Variants in TENM3 observed in about 807,000 individuals in gnomAD.
TENM3 encodes the protein teneurin transmembrane protein 3.
Under a neutral mutation model 255.1 loss-of-function variants are expected in TENM3, and 63 were observed. The ratio of observed to expected loss-of-function variants is 0.25; its 90% CI spans 0.20 to 0.30. TENM3 has a LOEUF of 0.30. Ranked by LOEUF, TENM3 falls within the 10% of genes least tolerant of loss-of-function variation. TENM3 has a pLI of 1.00. For missense variants in TENM3, 2,929 were observed against 3,461.1 expected, an observed-to-expected ratio of 0.85 and a Z score of 3.86; for synonymous variants, 1,306 against 1,322.3, an observed-to-expected ratio of 0.99 and a Z score of 0.27.
chr4:182,799,694 C>T lies in TENM3; in HGVS notation c.7443C>T (p.Gly2481=), dbSNP rs1368163683. 29 of 1,549,194 alleles carry T rather than the reference C, an allele frequency of 1.9e-5. No homozygotes were observed. Among genetic ancestry groups the T allele is most frequent in the South Asian group, 3.6e-5 (3 of 83,986 alleles). The change falls in exon 28 of 28, where the codon GGC becomes GGT. Residue 2481 remains glycine (G), a synonymous_variant. Transcript: ENST00000511685. The surrounding 1 kb of genome is among the most constrained non-coding windows in gnomAD (Gnocchi z 4.2). ...TGCAGGTGAGCCGGCGCCGGGCCGG[C>T]GGCGCGCAGTCCTGGCTGTGGTTCG... is the stretch of plus-strand genomic sequence containing the variant. ...AEVQVSRRRA[G]GAQSWLWFAT... is the part of the protein sequence containing the mutation.
the TENM3 span, among the ~76,000 whole-genome samples, chr4:181,899,494 A>G: frequency 2.0e-5 from 3 of 152,030 alleles, no homozygotes; most frequent in Non-Finnish European, 4.4e-5. Context: ...ATTTTACCCA[A>G]TTCTTTATGT....
chr4:182,643,161 G>T (rs1752459031), intron 5 of TENM3, among the ~76,000 whole-genome samples: 1 of 152,094 alleles, frequency 6.6e-6, no homozygotes, highest in Non-Finnish European at 1.5e-5. Context: ...TCAAATGATT[G>T]CCCTATATTT....
At chr4:182,768,847 G>C (rs558815808) in intron 22 of TENM3, among the ~76,000 whole-genome samples, 2 of 152,268 alleles carry the variant, frequency 1.3e-5, no homozygotes, top group South Asian at 4.2e-4. Flanking sequence ...GAGGAAGTTT[G>C]TCCTTTCCAG....
At chr4:181,985,929 C>A in the TENM3 span, among the ~76,000 whole-genome samples, 2 of 152,012 alleles carry the variant, frequency 1.3e-5, no homozygotes. Flanking sequence ...TTTTTCCCCT[C>A]TTTCATACAT....
chr4:181,799,841 A>G, the TENM3 span, among the ~76,000 whole-genome samples: 1 of 152,192 alleles, frequency 6.6e-6, no homozygotes, highest in South Asian at 2.1e-4. Flanking sequence ...TCACAATACA[A>G]TGTGCTCTGT....
At chr4:181,711,928 TG>T in the TENM3 span, among the ~76,000 whole-genome samples, 5 of 152,218 alleles carry the variant, frequency 3.3e-5, no homozygotes, top group Non-Finnish European at 5.9e-5. Flanking sequence ...GAACAGAGCC[TG>T]GCCTGTGATC....
chr4:182,195,067 A>T lies in TENM3; in HGVS notation c.-76+50313A>T, dbSNP rs534204115. On this transcript the variant is annotated intron_variant, in intron 1 of 2. Coordinates refer to the TENM3 transcript ENST00000512480. The stretch of plus-strand genomic sequence containing the variant: ...CACACACACACACACACACACACAC[A>T]CTTATATATTCAGAGGACTTCTTTA... 1.4e-4 allele frequency among the ~76,000 whole-genome samples: 21 copies of T among 146,272 alleles called. No homozygotes were observed. The South Asian group carries it at 1.8e-3, about 12-fold the overall frequency.
At chr4:182,640,002 A>G (rs779839543) in intron 5 of TENM3, among the ~76,000 whole-genome samples, 132 of 152,316 alleles carry the variant, frequency 8.7e-4, no homozygotes, top group Admixed American at 1.7e-3. Context: ...AGGCAGGAGA[A>G]TTGCTTGAAC....
intron 3 of TENM3, among the ~76,000 whole-genome samples, chr4:182,408,448 T>A (rs1410913342): frequency 6.6e-6 from 1 of 152,156 alleles, no homozygotes; most frequent in African/African-American, 2.4e-5. Context: ...TGTGTTTCCC[T>A]AGAGAAAACC....
intron 3 of TENM3, among the ~76,000 whole-genome samples, chr4:182,429,500 T>C (rs1771470935): frequency 6.6e-6 from 1 of 152,376 alleles, no homozygotes; most frequent in Admixed American, 6.5e-5. Context: ...ATCACAGCTA[T>C]ATTTAAAATT....
chr4:182,009,128 G>A, the TENM3 span, among the ~76,000 whole-genome samples: 2 of 152,188 alleles, frequency 1.3e-5, no homozygotes, highest in African/African-American at 4.8e-5. Flanking sequence ...TGGGACCTCT[G>A]ACCTCAAGGG....
the TENM3 span, among the ~76,000 whole-genome samples, chr4:182,049,537 C>T: frequency 1.5e-4 from 23 of 152,296 alleles, no homozygotes; most frequent in African/African-American, 5.3e-4. Context: ...TTAGCTTCAG[C>T]GGGGAAGTTC....
intron 1 of TENM3, among the ~76,000 whole-genome samples, chr4:182,321,954 A>G (rs1353306752): frequency 6.6e-6 from 1 of 152,074 alleles, no homozygotes; most frequent in Non-Finnish European, 1.5e-5. Flanking sequence ...AAAAAATAAT[A>G]ATAATAAATA....
the TENM3 span, among the ~76,000 whole-genome samples, chr4:181,984,131 T>C: frequency 2.6e-5 from 4 of 152,080 alleles, no homozygotes; most frequent in African/African-American, 9.7e-5. Context: ...GGAGTCTCTT[T>C]AATCCTCCTC....
the TENM3 span, among the ~76,000 whole-genome samples, chr4:181,903,981 C>CCTCT: frequency 6.6e-6 from 1 of 152,134 alleles, no homozygotes; most frequent in Non-Finnish European, 1.5e-5. Flanking sequence ...CTAGCCCCAC[C>CCTCT]CTCTCCCTTG....
chr4:182,584,806 A>AT (rs1425410534), intron 3 of TENM3, among the ~76,000 whole-genome samples: 3 of 151,662 alleles, frequency 2.0e-5, no homozygotes, highest in East Asian at 1.9e-4. Context: ...TGCCTGGCTA[A>AT]TTTTTTTGTA....
the TENM3 span, among the ~76,000 whole-genome samples, chr4:182,111,828 T>C: frequency 6.6e-6 from 1 of 152,158 alleles, no homozygotes; most frequent in South Asian, 2.1e-4. Flanking sequence ...AGAGGAAGGA[T>C]TGGTGACCAA....
chr4:181,867,546 G>C, the TENM3 span, among the ~76,000 whole-genome samples: 1 of 152,146 alleles, frequency 6.6e-6, no homozygotes, highest in East Asian at 1.9e-4. Flanking sequence ...TTTCCTTGAA[G>C]AAAAAGTTTT....
the TENM3 span, among the ~76,000 whole-genome samples, chr4:182,023,874 A>T: frequency 6.6e-6 from 1 of 152,194 alleles, no homozygotes; most frequent in East Asian, 1.9e-4. Flanking sequence ...TGATGTATTA[A>T]TAATAAAATA....
Sources: allele counts gnomAD v4.1 joint callset (sites outside exome capture counted in the v4.1 genomes callset), GRCh38; gene constraint gnomAD v4.1.1; non-coding constraint Gnocchi (gnomAD v3.1); transcripts MANE v1.5; gene names NCBI Gene and HGNC (gene_info 2026-07-23, HGNC 2026-07-21).